Variants in SASH1 observed in about 807,000 individuals in gnomAD.
The protein encoded by SASH1 is SAM and SH3 domain-containing protein 1.
A neutral mutation model predicts 125.2 loss-of-function variants in SASH1; 44 were observed. The observed-to-expected ratio is 0.35, with a 90% CI of 0.28 to 0.45. The LOEUF (loss-of-function observed/expected upper bound fraction) is 0.45, where lower values mean the gene tolerates loss of function less well. SASH1 is among the 20% of genes least tolerant of loss of function. The probability of loss-of-function intolerance (pLI) is 1.00; values close to 1 mark genes in which losing one functional copy is unlikely to be tolerated. For synonymous variants in SASH1, 639 were observed against 649.1 expected (o/e 0.98, Z 0.24); for missense variants, 1,426 against 1,614.5 (o/e 0.88, Z 2.00).
chr6:148,390,507 C>G (rs981846993), intron 2 of SASH1, among the ~76,000 whole-genome samples: 5 of 152,214 alleles, frequency 3.3e-5, no homozygotes, highest in African/African-American at 1.2e-4. Context: ...ACAGATTTGG[C>G]CGGGCGCTGT....
At chr6:148,277,911 T>A (rs1467716508) in intron 1 of SASH1, among the ~76,000 whole-genome samples, 1 of 152,110 alleles carries the variant, frequency 6.6e-6, no homozygotes, top group Admixed American at 6.5e-5. Flanking sequence ...GAGACGGGGT[T>A]TCATCATATT....
chr6:148,391,112 C>CTTTTTTTTTTTTTTTTTTTTT (rs1394140807), intron 2 of SASH1, among the ~76,000 whole-genome samples: 1 of 143,452 alleles, frequency 7.0e-6, no homozygotes, highest in African/African-American at 2.5e-5. Context: ...TAAAGACACT[C>CTTTTTTTTTTTTTTTTTTTTT]TTTTTTTTTT....
chr6:148,437,381 G>C (rs1776334284), intron 2 of SASH1, among the ~76,000 whole-genome samples: 1 of 152,024 alleles, frequency 6.6e-6, no homozygotes, highest in Non-Finnish European at 1.5e-5. Context: ...TCCTGAAAAA[G>C]TTATTCTCTT....
intron 1 of SASH1, among the ~76,000 whole-genome samples, chr6:148,314,297 A>G (rs543446874): frequency 7.9e-5 from 12 of 152,226 alleles, no homozygotes; most frequent in Non-Finnish European, 1.6e-4. Flanking sequence ...CAGTATCCAC[A>G]AGGAGCTCAT....
intron 12 of SASH1, among the ~76,000 whole-genome samples, chr6:148,528,559 A>G (rs11155575): frequency 0.11 from 17,488 of 152,246 alleles, 1,623 homozygotes; most frequent in African/African-American, 0.26. Flanking sequence ...AAGCCTGCAC[A>G]GCAGCTTCAG....
the SASH1 span, among the ~76,000 whole-genome samples, chr6:148,221,191 T>C: frequency 1.3e-5 from 2 of 152,236 alleles, no homozygotes; most frequent in Admixed American, 6.5e-5. Flanking sequence ...CTACAGGAGG[T>C]CATTTATTTT....
intron 2 of SASH1, among the ~76,000 whole-genome samples, chr6:148,396,057 GT>G (rs1207144934): frequency 2.6e-5 from 4 of 152,162 alleles, no homozygotes; most frequent in African/African-American, 7.2e-5. Context: ...CCCAGCTTCT[GT>G]GCCAATTTGT....
At chr6:148,514,128 C>A in intron 8 of SASH1, 196 bp from the exon 9 acceptor site, 1 of 1,352,090 alleles carries the variant, frequency 7.4e-7, no homozygotes, top group South Asian at 1.7e-5. Flanking sequence ...GTGCCTAGGA[C>A]CTAATTCTAC....
intron 1 of SASH1, among the ~76,000 whole-genome samples, chr6:148,388,998 G>C (rs988898821): frequency 2.6e-5 from 4 of 151,854 alleles, no homozygotes; most frequent in African/African-American, 9.7e-5. Flanking sequence ...AGGTCTTTCT[G>C]AATGAATTGA....
chr6:148,294,142 A>G (rs939400266), intron 1 of SASH1, among the ~76,000 whole-genome samples: 3 of 152,340 alleles, frequency 2.0e-5, no homozygotes, highest in South Asian at 4.1e-4. Flanking sequence ...TCATTTGCAC[A>G]TTTCTAAAGA....
At chr6:148,473,737 C>T (rs1203803969) in intron 6 of SASH1, among the ~76,000 whole-genome samples, 1 of 152,138 alleles carries the variant, frequency 6.6e-6, no homozygotes, top group East Asian at 1.9e-4. Context: ...CTGAAGGAGC[C>T]TTGGAATGCT....
intron 1 of SASH1, among the ~76,000 whole-genome samples, chr6:148,298,647 AAGGGAGGGAGGGAGGGAGGG>A (rs199849000): frequency 2.2e-5 from 2 of 92,452 alleles, no homozygotes; most frequent in African/African-American, 4.3e-5. Context: ...AGAAGGAAGG[AAGGGAGGGAGGGAGGGAGGG>A]AGGAAGGAAG....
chr6:148,487,774 CCATTTT>C, intron 8 of SASH1, 59 bp downstream of exon 8: 1 of 1,217,636 alleles, frequency 8.2e-7, no homozygotes, highest in Non-Finnish European at 1.2e-6. Context: ...ACAGTCTTCA[CCATTTT>C]AGTCTTTGTA....
intron 8 of SASH1, among the ~76,000 whole-genome samples, chr6:148,491,340 G>A (rs991344771): frequency 3.9e-5 from 6 of 152,160 alleles, no homozygotes; most frequent in Admixed American, 1.3e-4. Flanking sequence ...CATGATCTCG[G>A]CTCACTGCAA....
intron 4 of SASH1, among the ~76,000 whole-genome samples, chr6:148,464,638 G>T (rs1777755799): frequency 6.6e-6 from 1 of 152,166 alleles, no homozygotes; most frequent in Non-Finnish European, 1.5e-5. Context: ...ATTGATTTTT[G>T]CTCCTGCTGG....
the SASH1 span, among the ~76,000 whole-genome samples, chr6:148,258,317 G>C: frequency 6.6e-6 from 1 of 152,246 alleles, no homozygotes; most frequent in African/African-American, 2.4e-5. Context: ...TTTTTCCAGA[G>C]TCGACTTAAT....
intron 2 of SASH1, among the ~76,000 whole-genome samples, chr6:148,430,340 C>T (rs893479932): frequency 6.6e-6 from 1 of 152,100 alleles, no homozygotes. Context: ...TTGTGGATTT[C>T]GTTTTGTTTT....
intron 10 of SASH1, chr6:148,520,161 G>T (rs1780724481): frequency 6.9e-6 from 3 of 435,294 alleles, no homozygotes; most frequent in Non-Finnish European, 8.3e-6. Flanking sequence ...GCGCACCTCG[G>T]TCAGCGAGTT....
At chr6:148,224,680 CT>C in the SASH1 span, among the ~76,000 whole-genome samples, 1 of 152,016 alleles carries the variant, frequency 6.6e-6, no homozygotes, top group Non-Finnish European at 1.5e-5. Flanking sequence ...TTTATTTATA[CT>C]TTTATTTAGC....
Sources: allele counts gnomAD v4.1 joint callset (sites outside exome capture counted in the v4.1 genomes callset), GRCh38; gene constraint gnomAD v4.1.1; transcripts MANE v1.5; gene names NCBI Gene and HGNC (gene_info 2026-07-23, HGNC 2026-07-21).